The following ENOX1 variants were observed in gnomAD, a reference collection of about 807,000 sequenced individuals.
ENOX1 encodes candidate growth-related and time keeping constitutive hydroquinone (NADH) oxidase.
In ENOX1, 42 loss-of-function variants were observed where a neutral mutation model predicts 82.5. The observed-to-expected ratio is 0.51, with a 90% confidence interval of 0.40 to 0.66. ENOX1 has a LOEUF of 0.66. Ranked by LOEUF, ENOX1 falls within the 30% of genes least tolerant of loss-of-function variation. ENOX1 has a pLI of 0.00. For missense variants in ENOX1, 608 were observed against 811.6 expected, an observed-to-expected ratio of 0.75 and a Z score of 3.05; for synonymous variants, 271 against 282.2, an observed-to-expected ratio of 0.96 and a Z score of 0.40.
intron 5 of ENOX1, among the ~76,000 whole-genome samples, chr13:43,407,512 G>C (rs1465258079): frequency 2.6e-5 from 4 of 152,130 alleles, no homozygotes; most frequent in Non-Finnish European, 4.4e-5. Flanking sequence ...ATGGTGGTTT[G>C]CTGTACCTAT....
At chr13:43,524,360 C>T (rs983000523) in intron 2 of ENOX1, among the ~76,000 whole-genome samples, 1 of 152,252 alleles carries the variant, frequency 6.6e-6, no homozygotes, top group South Asian at 2.1e-4. Flanking sequence ...CCTCTCCAGG[C>T]TCCTATCTCA....
intron 12 of ENOX1, among the ~76,000 whole-genome samples, chr13:43,293,668 C>T (rs17064347): frequency 0.018 from 2,691 of 152,316 alleles, 97 homozygotes; most frequent in African/African-American, 0.062. Flanking sequence ...TACTAAGCAA[C>T]TAAATAGTTT....
At position 43,720,139 on chromosome 13, in the gene ENOX1, G is replaced by A. The variant is rs183634243; in HGVS notation, c.-284-52595C>T. Among the ~76,000 whole-genome samples the A allele has an allele frequency of 3.6e-3, 551 of 152,236 alleles. 6 individuals are homozygous for A. The highest frequency in any genetic ancestry group is 0.013 in the African/African-American group (531 of 41,538). Reference sequence around the variant, plus strand: ...GAAAAATCACATATGTAAGTCTGACGTTTCTCTCAGGACTGTGCTTGCAGA... The same window carrying A: ...GAAAAATCACATATGTAAGTCTGACATTTCTCTCAGGACTGTGCTTGCAGA... On this transcript the variant is annotated intron_variant, in intron 1 of 16. Transcript: ENST00000690772.
At chr13:43,230,256 T>C (rs1347618759) in intron 15 of ENOX1, among the ~76,000 whole-genome samples, 1 of 151,908 alleles carries the variant, frequency 6.6e-6, no homozygotes, top group East Asian at 1.9e-4. Context: ...AATTCTCTGG[T>C]GATGTGGAAA....
chr13:43,391,686 C>T (rs2052787547), intron 5 of ENOX1, among the ~76,000 whole-genome samples: 1 of 152,150 alleles, frequency 6.6e-6, no homozygotes, highest in African/African-American at 2.4e-5. Flanking sequence ...AAAGCTTATT[C>T]CAATTTGTCC....
chr13:43,315,868 G>A (rs778456554), intron 11 of ENOX1, among the ~76,000 whole-genome samples: 4 of 152,112 alleles, frequency 2.6e-5, no homozygotes, highest in African/African-American at 7.2e-5. Flanking sequence ...AAACCTTACC[G>A]GAATGAAATG....
At chr13:43,413,433 C>G (rs2054255860) in intron 3 of ENOX1, among the ~76,000 whole-genome samples, 1 of 151,926 alleles carries the variant, frequency 6.6e-6, no homozygotes, top group South Asian at 2.1e-4. Context: ...GGAATGTATT[C>G]AGAGAGGGAA....
chr13:43,379,672 T>C (rs566097633), intron 5 of ENOX1, among the ~76,000 whole-genome samples: 2 of 152,014 alleles, frequency 1.3e-5, no homozygotes, highest in African/African-American at 2.4e-5. Context: ...AAAAGGGCTG[T>C]GGGACAACTG....
intron 2 of ENOX1, among the ~76,000 whole-genome samples, chr13:43,496,179 A>ATT (rs142907126): frequency 6.6e-6 from 1 of 151,616 alleles, no homozygotes; most frequent in African/African-American, 2.4e-5. Flanking sequence ...TAGTTAACTG[A>ATT]TTTTTTTCTA....
At chr13:43,338,475 AT>A (rs1035015766) in intron 9 of ENOX1, among the ~76,000 whole-genome samples, 11 of 151,596 alleles carry the variant, frequency 7.3e-5, no homozygotes, top group Admixed American at 2.6e-4. Flanking sequence ...CCTGTTCCGA[AT>A]TTTTTTTTCT....
intron 14 of ENOX1, among the ~76,000 whole-genome samples, chr13:43,264,957 C>T (rs1308361852): frequency 2.6e-5 from 4 of 152,206 alleles, no homozygotes; most frequent in Non-Finnish European, 5.9e-5. Context: ...GAGTACATTT[C>T]AAGGGCTATT....
At chr13:43,665,963 A>C (rs1268340429) in intron 2 of ENOX1, among the ~76,000 whole-genome samples, 1 of 150,506 alleles carries the variant, frequency 6.6e-6, no homozygotes, top group Non-Finnish European at 1.5e-5. Flanking sequence ...CACTTCAGGC[A>C]TGCCTTGAAT....
chr13:43,688,582 TA>T (rs1002292828), intron 1 of ENOX1, among the ~76,000 whole-genome samples: 1 of 152,152 alleles, frequency 6.6e-6, no homozygotes, highest in Non-Finnish European at 1.5e-5. Context: ...TGTGTCCCCA[TA>T]AAAACCTATT....
chr13:43,758,901 A>G (rs1594716585), intron 1 of ENOX1, among the ~76,000 whole-genome samples: 1 of 152,070 alleles, frequency 6.6e-6, no homozygotes, highest in South Asian at 2.1e-4. Flanking sequence ...TCATAAATTC[A>G]AAATTTTATT....
chr13:43,536,226 G>A (rs968666169), intron 2 of ENOX1, among the ~76,000 whole-genome samples: 1 of 152,158 alleles, frequency 6.6e-6, no homozygotes, highest in African/African-American at 2.4e-5. Context: ...AGAAATGATT[G>A]GTGAATCTGG....
Position 43,509,176 on chromosome 13 carries a change from A to C in ENOX1, c.-218-25024T>G, listed in dbSNP as rs377494125. 8.5e-5 allele frequency among the ~76,000 whole-genome samples: 13 copies of C among 152,176 alleles called. No homozygotes were observed. The East Asian group carries it at 1.4e-3, about 16-fold the overall frequency. ...CAAAATAGCCTATATCAGGGATATT[A>C]GGTGTTAAAGAAATAAAACTGGTTA... On this transcript the variant is annotated intron_variant, in intron 2 of 16. Coordinates refer to ENST00000690772, the MANE Select transcript of ENOX1 (RefSeq NM_001347969.2).
chr13:43,616,189 T>TCTAGATATATATATAGATAG (rs1490011009), intron 2 of ENOX1, among the ~76,000 whole-genome samples: 1 of 12,532 alleles, frequency 8.0e-5, no homozygotes, highest in Non-Finnish European at 3.0e-4. Context: ...TATCTATCTA[T>TCTAGATATATATATAGATAG]ATATATATAT....
chr13:43,460,885 GAGA>G (rs2057455258), intron 3 of ENOX1, among the ~76,000 whole-genome samples: 1 of 147,602 alleles, frequency 6.8e-6, no homozygotes. Flanking sequence ...GTTAGCTTGA[GAGA>G]AGGATTGGAT....
chr13:43,604,629 A>C (rs888094057), intron 2 of ENOX1, among the ~76,000 whole-genome samples: 17 of 152,106 alleles, frequency 1.1e-4, no homozygotes, highest in African/African-American at 3.1e-4. Flanking sequence ...ACATTGATTC[A>C]TTTGCCTATG....
Sources: gnomAD v4.1 joint callset for allele counts (sites outside exome capture counted in the v4.1 genomes callset) on GRCh38, gnomAD v4.1.1 for gene constraint, MANE v1.5 for transcripts, NCBI Gene and HGNC (gene_info 2026-07-23, HGNC 2026-07-21) for gene names.